ARMH3: variants seen among roughly 807,000 people sequenced by gnomAD.
The protein encoded by ARMH3 is armadillo like helical domain containing 3, also known as armadillo-like helical domain-containing protein 3.
A neutral mutation model predicts 99.1 loss-of-function variants in ARMH3; 60 were observed. The ratio of observed to expected loss-of-function variants is 0.61; its 90% CI spans 0.49 to 0.75. The LOEUF is 0.75. ARMH3 is among the 30% of genes least tolerant of loss of function. ARMH3 has a pLI of 0.00. For synonymous variants in ARMH3, 285 were observed against 292.8 expected, an observed-to-expected ratio of 0.97 and a Z score of 0.27; for missense variants, 679 against 843.1, an observed-to-expected ratio of 0.81 and a Z score of 2.41.
intron 23 of ARMH3, among the ~76,000 whole-genome samples, chr10:101,898,441 A>T (rs1000439244): frequency 6.6e-6 from 1 of 152,186 alleles, no homozygotes; most frequent in Admixed American, 6.5e-5. Context: ...ATCCTCCAAA[A>T]TGCAATCTCC....
intron 23 of ARMH3, among the ~76,000 whole-genome samples, chr10:101,918,775 T>C (rs541205689): frequency 6.6e-6 from 1 of 152,320 alleles, no homozygotes; most frequent in African/African-American, 2.4e-5. Flanking sequence ...CATTTATCAT[T>C]TGTAATGTAT....
rs190549340 is a variant in ARMH3 at position 102,000,947 on chromosome 10, G to C, written c.1150+1024C>G. ...TTCTCCTGTATCAGCCTCTCGAGTA[G>C]CTGGGATTACAGGCACATGCCACCA... On this transcript the variant is annotated intron_variant, in intron 15 of 25. Coordinates refer to ENST00000370033, the MANE Select transcript of ARMH3 (RefSeq NM_024541.3). Among the ~76,000 whole-genome samples, 884 of 152,100 alleles carry C rather than the reference G, an allele frequency of 5.8e-3. 8 individuals carry two copies. The highest frequency in any genetic ancestry group is 0.021 in the African/African-American group (859 of 41,496).
chr10:101,913,602 G>A (rs1842959412), intron 23 of ARMH3, among the ~76,000 whole-genome samples: 1 of 152,138 alleles, frequency 6.6e-6, no homozygotes, highest in Non-Finnish European at 1.5e-5. Context: ...CTGGGCTCAA[G>A]TGATCTTCCT....
At chr10:101,984,853 G>C (rs190299745) in intron 19 of ARMH3, among the ~76,000 whole-genome samples, 1 of 151,776 alleles carries the variant, frequency 6.6e-6, no homozygotes, top group Admixed American at 6.6e-5. Flanking sequence ...GGTCGATCAC[G>C]AGGTCAGGAA....
At chr10:101,889,734 A>C in intron 23 of ARMH3, 1 of 439,386 alleles carries the variant, frequency 2.3e-6, no homozygotes, top group Non-Finnish European at 4.2e-6. Context: ...CAAATGAACT[A>C]ACGGAAAAAA....
chr10:102,034,443 T>C (rs536022452), intron 2 of ARMH3, among the ~76,000 whole-genome samples: 1 of 151,590 alleles, frequency 6.6e-6, no homozygotes, highest in Non-Finnish European at 1.5e-5. Flanking sequence ...GAGACCATCC[T>C]GGCTAACACG....
chr10:102,011,234 C>T (rs1019025241), intron 11 of ARMH3, among the ~76,000 whole-genome samples: 1 of 152,090 alleles, frequency 6.6e-6, no homozygotes, highest in African/African-American at 2.4e-5. Context: ...AGATCTACTG[C>T]ACGATCGCTC....
intron 24 of ARMH3, among the ~76,000 whole-genome samples, chr10:101,879,411 G>A (rs935774046): frequency 8.0e-5 from 12 of 150,102 alleles, no homozygotes; most frequent in South Asian, 2.1e-4. Flanking sequence ...GTGCAATGGC[G>A]TAATCTTGGC....
chr10:101,912,019 C>T (rs550781020), intron 23 of ARMH3, among the ~76,000 whole-genome samples: 6 of 149,664 alleles, frequency 4.0e-5, no homozygotes, highest in Admixed American at 3.3e-4. Context: ...GGCAGCAGAG[C>T]GAGACTCCAT....
Position 102,029,759 on chromosome 10 carries a change from A to G in ARMH3, c.307-14T>C. On this transcript the variant is annotated splice_polypyrimidine_tract_variant and intron_variant, in intron 4 of 25. Transcript: ENST00000370033. ...TGCGCACAGGGTCTGCAGAAATGAG[A>G]GAAAGAATTCTTTCTGGAGAGGAAG... The G allele has an allele frequency of 6.2e-7, 1 of 1,605,856 alleles. No homozygotes were observed.
intron 8 of ARMH3, among the ~76,000 whole-genome samples, chr10:102,023,111 C>T (rs1240337397): frequency 6.6e-6 from 1 of 151,474 alleles, no homozygotes; most frequent in African/African-American, 2.4e-5. Context: ...TGCTTGAAGC[C>T]GGGAGGCGGA....
chr10:101,867,828 T>C (rs2067039041), intron 24 of ARMH3, among the ~76,000 whole-genome samples: 1 of 145,996 alleles, frequency 6.8e-6, no homozygotes, highest in African/African-American at 2.5e-5. Flanking sequence ...TGAGACCCCA[T>C]CCCAAAAAAA....
intron 8 of ARMH3, among the ~76,000 whole-genome samples, chr10:102,021,250 T>A (rs1006404149): frequency 6.6e-6 from 1 of 152,032 alleles, no homozygotes; most frequent in Non-Finnish European, 1.5e-5. Flanking sequence ...CTAATTTTTG[T>A]ATTTTTAAAA....
At chr10:101,966,692 T>A (rs150750303) in intron 20 of ARMH3, among the ~76,000 whole-genome samples, 6 of 152,240 alleles carry the variant, frequency 3.9e-5, no homozygotes, top group Non-Finnish European at 8.8e-5. Flanking sequence ...ATGAGAACTT[T>A]CCCAGAATTT....
chr10:101,912,970 G>A (rs1842929266), intron 23 of ARMH3: 2 of 151,964 alleles, frequency 1.3e-5, no homozygotes, highest in South Asian at 4.2e-4. Context: ...CAAAGACAGG[G>A]AAAAAAAGGA....
chr10:101,917,457 TATTTC>T (rs1564750063), intron 23 of ARMH3, among the ~76,000 whole-genome samples: 1 of 152,250 alleles, frequency 6.6e-6, no homozygotes, highest in Non-Finnish European at 1.5e-5. Context: ...TGTAGAATAG[TATTTC>T]ATTATATAGA....
At chr10:101,928,898 T>C (rs1843615323) in intron 23 of ARMH3, among the ~76,000 whole-genome samples, 1 of 152,058 alleles carries the variant, frequency 6.6e-6, no homozygotes, top group Non-Finnish European at 1.5e-5. Flanking sequence ...GCCCGGCTAA[T>C]TTTCGTATTT....
At chr10:101,894,566 C>A (rs866234211) in intron 23 of ARMH3, among the ~76,000 whole-genome samples, 3 of 152,194 alleles carry the variant, frequency 2.0e-5, no homozygotes, top group Non-Finnish European at 2.9e-5. Flanking sequence ...GCTTGACTAG[C>A]TCTTGGCGGG....
chr10:101,866,628 T>C (rs530578259), intron 24 of ARMH3, among the ~76,000 whole-genome samples: 107 of 152,314 alleles, frequency 7.0e-4, no homozygotes, highest in African/African-American at 2.5e-3. Flanking sequence ...GGATGGAGGA[T>C]TGCTGTAAGA....
Sources: allele counts gnomAD v4.1 joint callset (sites outside exome capture counted in the v4.1 genomes callset), GRCh38; gene constraint gnomAD v4.1.1; transcripts MANE v1.5; gene names NCBI Gene and HGNC (gene_info 2026-07-23, HGNC 2026-07-21).